RNF152: variants seen among roughly 807,000 people sequenced by gnomAD.
The protein encoded by RNF152 is E3 ubiquitin-protein ligase RNF152.
Under a neutral mutation model 12.7 loss-of-function variants are expected in RNF152, and 11 were observed. The ratio of observed to expected loss-of-function variants is 0.86; its 90% CI spans 0.54 to 1.43. The LOEUF (loss-of-function observed/expected upper bound fraction) is 1.43. RNF152 is among the 40% of genes most tolerant of loss of function. The pLI is 0.00. For missense variants in RNF152, 255 were observed against 274.8 expected (o/e 0.93, Z 0.51); for synonymous variants, 113 against 120.3 (o/e 0.94, Z 0.40).
chr18:61,846,635 C>T (rs544303526), intron 1 of RNF152, among the ~76,000 whole-genome samples: 22 of 152,302 alleles, frequency 1.4e-4, no homozygotes, highest in Admixed American at 9.8e-4. Context: ...GTAAGCTCCA[C>T]GAGTACTTGC....
At chr18:61,830,707 TGAA>T in intron 1 of RNF152, among the ~76,000 whole-genome samples, 1 of 151,940 alleles carries the variant, frequency 6.6e-6, no homozygotes, top group Non-Finnish European at 1.5e-5. Context: ...AAGGTAGGGA[TGAA>T]GGAGGAGGAA....
chr18:61,881,145 C>T (rs1912447716), intron 1 of RNF152, among the ~76,000 whole-genome samples: 1 of 152,082 alleles, frequency 6.6e-6, no homozygotes, highest in African/African-American at 2.4e-5. Context: ...AACATCTGAC[C>T]TCAGAGGATC....
intron 1 of RNF152, among the ~76,000 whole-genome samples, chr18:61,841,512 AACC>A (rs1910452058): frequency 6.6e-6 from 1 of 152,178 alleles, no homozygotes; most frequent in Non-Finnish European, 1.5e-5. Flanking sequence ...AGATCTTTCC[AACC>A]ATCATTTCAG....
intron 1 of RNF152, among the ~76,000 whole-genome samples, chr18:61,860,640 C>T (rs1438450707): frequency 6.6e-6 from 1 of 152,226 alleles, no homozygotes; most frequent in African/African-American, 2.4e-5. Context: ...TCTGCATTTA[C>T]TGTACTATAT....
rs141097305 is a variant in RNF152, at chr18:61,833,917, T to A, written c.-135-17319A>T. Among the ~76,000 whole-genome samples, 579 of 152,300 alleles carry A rather than the reference T, an allele frequency of 3.8e-3. 3 individuals carry two copies. The highest frequency in any genetic ancestry group is 0.013 in the African/African-American group (555 of 41,554). ...AAAGTTTCATCCACAAGATAAAATA[T>A]CAGATGCGCTAAGAATACCAACTCC... is the stretch of plus-strand genomic sequence containing the variant. On this transcript the variant is annotated intron_variant, in intron 1 of 1. Transcript: ENST00000312828.
intron 1 of RNF152, among the ~76,000 whole-genome samples, chr18:61,846,891 A>G (rs900108336): frequency 6.6e-6 from 1 of 152,212 alleles, no homozygotes; most frequent in Non-Finnish European, 1.5e-5. Context: ...ACTAGTCTGG[A>G]TTTGAGTCCC....
chr18:61,829,113 C>A (rs1909811266), intron 1 of RNF152, among the ~76,000 whole-genome samples: 2 of 152,070 alleles, frequency 1.3e-5, no homozygotes, highest in Admixed American at 1.3e-4. Context: ...AGTCAAATAC[C>A]CCTGCAATAG....
chr18:61,879,053 A>C (rs985426623), intron 1 of RNF152, among the ~76,000 whole-genome samples: 1 of 152,228 alleles, frequency 6.6e-6, no homozygotes, highest in African/African-American at 2.4e-5. Flanking sequence ...TCAACAGGAC[A>C]AGTAAAATGG....
At chr18:61,877,768 G>A (rs542879117) in intron 1 of RNF152, among the ~76,000 whole-genome samples, 1 of 152,062 alleles carries the variant, frequency 6.6e-6, no homozygotes, top group African/African-American at 2.4e-5. Flanking sequence ...CTTTTTTTGT[G>A]TTTGGAATCT....
chr18:61,857,371 A>T (rs1911273196), intron 1 of RNF152, among the ~76,000 whole-genome samples: 1 of 152,218 alleles, frequency 6.6e-6, no homozygotes, highest in Non-Finnish European at 1.5e-5. Flanking sequence ...GTGAAACTGA[A>T]ACAATTTTTA....
Position 61,814,145 on chromosome 18 carries a change from T to C in RNF152, c.*1707A>G, listed in dbSNP as rs988284956. The C allele has an allele frequency of 6.6e-6, 1 of 152,228 alleles. No homozygotes were observed. The highest frequency in any genetic ancestry group is 2.4e-5 in the African/African-American group (1 of 41,466). The allele number at this position is 152,228 out of a possible 1,614,324, so 9.4% of individuals were successfully genotyped here. ...CAGTATTAGCTTTGTATTCTAGCCATTATATTTTTGTTTTATTTCACATTA... is the reference window on the plus strand; with the variant it reads ...CAGTATTAGCTTTGTATTCTAGCCACTATATTTTTGTTTTATTTCACATTA... On this transcript the variant is annotated 3_prime_UTR_variant, in exon 2 of 2. Coordinates refer to ENST00000312828, the MANE Select transcript of RNF152 (RefSeq NM_173557.3).
Position 61,815,843 on chromosome 18 carries a change from C to A in RNF152, c.*9G>T. The A allele has an allele frequency of 6.2e-7, 1 of 1,610,398 alleles. No homozygotes were observed. Among genetic ancestry groups the A allele is most frequent in the Non-Finnish European group, 8.5e-7 (1 of 1,177,026 alleles). On this transcript the variant is annotated 3_prime_UTR_variant, in exon 2 of 2. Coordinates refer to ENST00000312828, the MANE Select transcript of RNF152 (RefSeq NM_173557.3). The stretch of plus-strand genomic sequence containing the variant: ...TTGGCACCCACAAGAGACTTCCCTG[C>A]AGCCCTCTTCAGCCACAGGATATCA...
chr18:61,844,545 T>C (rs1214743864), intron 1 of RNF152, among the ~76,000 whole-genome samples: 1 of 152,214 alleles, frequency 6.6e-6, no homozygotes, highest in African/African-American at 2.4e-5. Context: ...GTATTATTGT[T>C]TGTGTGTAAG....
At chr18:61,880,667 A>T (rs1324595877) in intron 1 of RNF152, among the ~76,000 whole-genome samples, 1 of 152,256 alleles carries the variant, frequency 6.6e-6, no homozygotes, top group East Asian at 1.9e-4. Context: ...CAAGATAGTT[A>T]GGAAAGGGAA....
intron 1 of RNF152, among the ~76,000 whole-genome samples, chr18:61,865,017 T>C (rs112290516): frequency 8.6e-5 from 13 of 150,734 alleles, no homozygotes; most frequent in African/African-American, 3.2e-4. Flanking sequence ...GGAAACTCCA[T>C]CTCAAAAAAA....
Position 61,808,095 on chromosome 18 carries a change from T to C in RNF152, c.*7757A>G, listed in dbSNP as rs975170833. 2 of 152,060 alleles carry C rather than the reference T, an allele frequency of 1.3e-5. No homozygotes were observed. Among genetic ancestry groups the C allele is most frequent in the African/African-American group, 4.8e-5 (2 of 41,394 alleles). 9.4% of individuals were successfully genotyped at this position (152,060 alleles called of 1,614,324 possible). On this transcript the variant is annotated 3_prime_UTR_variant, in exon 2 of 2. Transcript: ENST00000312828. ...GAAATCATTTTATGAACTTTAATCATAGCAAATGTGTTTTTACGGTAGTCA... is the reference window on the plus strand; with the variant it reads ...GAAATCATTTTATGAACTTTAATCACAGCAAATGTGTTTTTACGGTAGTCA...
intron 1 of RNF152, among the ~76,000 whole-genome samples, chr18:61,885,811 T>G (rs545809757): frequency 6.6e-6 from 1 of 151,992 alleles, no homozygotes; most frequent in Non-Finnish European, 1.5e-5. Context: ...AGCCTTTAAT[T>G]ATAAACGCAG....
rs377731042 is a variant in RNF152 at position 61,815,035 on chromosome 18, G to A, written c.*817C>T. 2.0e-5 allele frequency: 3 copies of A among 152,616 alleles called. No homozygotes were observed. The East Asian group carries it at 5.8e-4, about 29-fold the overall frequency. The allele number at this position is 152,616 out of a possible 1,614,324, so 9.5% of individuals were successfully genotyped here. ...CAAACACCTGAGGTAAATCAAATTA[G>A]ACACACACACATACACACACAAATA... On this transcript the variant is annotated 3_prime_UTR_variant, in exon 2 of 2. Coordinates refer to ENST00000312828, the MANE Select transcript of RNF152 (RefSeq NM_173557.3).
At chr18:61,838,121 C>T (rs564012650) in intron 1 of RNF152, among the ~76,000 whole-genome samples, 1 of 152,326 alleles carries the variant, frequency 6.6e-6, no homozygotes, top group East Asian at 1.9e-4. Context: ...CCCTATGAAA[C>T]AATTCCCAAG....
Sources: allele counts gnomAD v4.1 joint callset (sites outside exome capture counted in the v4.1 genomes callset), GRCh38; gene constraint gnomAD v4.1.1; transcripts MANE v1.5; gene names NCBI Gene and HGNC (gene_info 2026-07-23, HGNC 2026-07-21).